PLPPR4: variants seen among roughly 807,000 people sequenced by gnomAD.
PLPPR4 encodes the protein phospholipid phosphatase-related protein type 4.
In PLPPR4, 24 loss-of-function variants were observed where a neutral mutation model predicts 56.6. The observed-to-expected ratio is 0.42, with a 90% CI of 0.31 to 0.60. PLPPR4 has a LOEUF of 0.60. Among genes scored for constraint, PLPPR4 ranks in the 20% least tolerant of loss-of-function variants. The pLI is 0.13. For synonymous variants in PLPPR4, 326 were observed against 328.1 expected (o/e 0.99, Z 0.07); for missense variants, 654 against 885.8 (o/e 0.74, Z 3.32).
At chr1:99,282,793 T>C (rs1659364224) in intron 1 of PLPPR4, among the ~76,000 whole-genome samples, 1 of 151,870 alleles carries the variant, frequency 6.6e-6, no homozygotes, top group Admixed American at 6.6e-5. Context: ...ATATGGCTAG[T>C]TCTTTCTTGC....
chr1:99,276,320 G>T (rs955168688), intron 1 of PLPPR4, among the ~76,000 whole-genome samples: 5 of 151,966 alleles, frequency 3.3e-5, no homozygotes, highest in Admixed American at 1.3e-4. Context: ...ATAATTAATA[G>T]GTCAAATAAA....
chr1:99,280,678 T>C (rs1354836340), intron 1 of PLPPR4, among the ~76,000 whole-genome samples: 1 of 152,076 alleles, frequency 6.6e-6, no homozygotes, highest in Admixed American at 6.6e-5. Flanking sequence ...CTGGAGAAGG[T>C]TTCAGGGAGA....
chr1:99,282,673 T>G (rs1196795780), intron 1 of PLPPR4, among the ~76,000 whole-genome samples: 7 of 152,084 alleles, frequency 4.6e-5, no homozygotes, highest in Non-Finnish European at 1.0e-4. Context: ...AATAAAATTC[T>G]AACTTCCTCC....
chr1:99,279,369 C>T (rs1343695164), intron 1 of PLPPR4, among the ~76,000 whole-genome samples: 1 of 152,136 alleles, frequency 6.6e-6, no homozygotes, highest in Non-Finnish European at 1.5e-5. Context: ...AGAAATCATT[C>T]ACTAGGGAAG....
rs187844695 is a variant in PLPPR4, at chr1:99,283,809, G to A, written c.79-4156G>A. Among the ~76,000 whole-genome samples, 5 of 152,180 alleles carry A rather than the reference G, an allele frequency of 3.3e-5. No homozygotes were observed. In the East Asian group the frequency reaches 7.7e-4, roughly 24 times the overall value. On this transcript the variant is annotated intron_variant, in intron 1 of 6. Transcript: ENST00000370185. ...TACTAAAAATACAAAAAAATTAGCC[G>A]GGTGTGGTGGCACGCTCCTGTAGTC...
At chr1:99,268,897 A>G (rs1286940758) in intron 1 of PLPPR4, among the ~76,000 whole-genome samples, 4 of 152,220 alleles carry the variant, frequency 2.6e-5, no homozygotes, top group Non-Finnish European at 4.4e-5. Flanking sequence ...AGCCAGCAGT[A>G]TACCTAGAGT....
intron 1 of PLPPR4, among the ~76,000 whole-genome samples, chr1:99,282,129 A>C (rs1659344519): frequency 6.6e-6 from 1 of 152,156 alleles, no homozygotes; most frequent in East Asian, 1.9e-4. Context: ...TAACAGTTTT[A>C]ATATTTTCAA....
chr1:99,272,848 T>C (rs1275610858), intron 1 of PLPPR4, among the ~76,000 whole-genome samples: 2 of 152,100 alleles, frequency 1.3e-5, no homozygotes, highest in Non-Finnish European at 2.9e-5. Context: ...ATCCTCTAAA[T>C]GCAACTGAGA....
At chr1:99,284,839 G>A (rs1570913775) in intron 1 of PLPPR4, among the ~76,000 whole-genome samples, 1 of 152,096 alleles carries the variant, frequency 6.6e-6, no homozygotes, top group Non-Finnish European at 1.5e-5. Flanking sequence ...TCACTATAAC[G>A]TGTATCAGTG....
intron 1 of PLPPR4, among the ~76,000 whole-genome samples, chr1:99,275,270 T>C (rs1209943160): frequency 2.0e-5 from 3 of 152,162 alleles, no homozygotes; most frequent in African/African-American, 4.8e-5. Flanking sequence ...CTTTAAGACC[T>C]CATTTGGTTT....
chr1:99,275,713 A>G (rs1570908482), intron 1 of PLPPR4, among the ~76,000 whole-genome samples: 1 of 152,164 alleles, frequency 6.6e-6, no homozygotes, highest in African/African-American at 2.4e-5. Flanking sequence ...GCTCAAATGT[A>G]TGTTCCAACA....
chr1:99,302,219 G>T (rs1470529105), intron 6 of PLPPR4, among the ~76,000 whole-genome samples: 1 of 152,042 alleles, frequency 6.6e-6, no homozygotes, highest in African/African-American at 2.4e-5. Flanking sequence ...CCAAAAGTAA[G>T]GTTAGTGAAA....
At chr1:99,283,257 G>A (rs1659375687) in intron 1 of PLPPR4, among the ~76,000 whole-genome samples, 1 of 152,072 alleles carries the variant, frequency 6.6e-6, no homozygotes, top group African/African-American at 2.4e-5. Flanking sequence ...ATGGCTATGA[G>A]AGAGGCAAAG....
chr1:99,268,066 A>G (rs1658950258), intron 1 of PLPPR4, among the ~76,000 whole-genome samples: 1 of 152,214 alleles, frequency 6.6e-6, no homozygotes, highest in South Asian at 2.1e-4. Context: ...TATTAACTCA[A>G]AGGTCACGCT....
chr1:99,281,159 A>C (rs2100792577), intron 1 of PLPPR4, among the ~76,000 whole-genome samples: 1 of 152,194 alleles, frequency 6.6e-6, no homozygotes, highest in South Asian at 2.1e-4. Flanking sequence ...ATGTAAAAAA[A>C]CCCCTCATTT....
Position 99,309,467 on chromosome 1 carries a change from CAAACTGAT to C in PLPPR4, c.*2461_*2468del, listed in dbSNP as rs953959030. ...TAAAAAAATGTTATGCAATGTTTTC[CAAACTGAT>C]AAAGTTTGTAAAGTGCTATAAATGT... On this transcript the variant is annotated 3_prime_UTR_variant, in exon 7 of 7. Coordinates refer to ENST00000370185, the MANE Select transcript of PLPPR4 (RefSeq NM_014839.5). The C allele has an allele frequency of 1.7e-4, 26 of 152,236 alleles. No homozygotes were observed. Among genetic ancestry groups the C allele is most frequent in the African/African-American group, 6.0e-4 (25 of 41,424 alleles). 9.4% of individuals were successfully genotyped at this position (152,236 alleles called of 1,614,324 possible).
intron 1 of PLPPR4, among the ~76,000 whole-genome samples, chr1:99,266,087 G>A (rs553293366): frequency 1.3e-5 from 2 of 152,314 alleles, no homozygotes; most frequent in South Asian, 4.1e-4. Context: ...ATAATAAAGA[G>A]CTTTCTCAAG....
At chr1:99,301,920 A>C in intron 6 of PLPPR4, 23 bp downstream of exon 6, 1 of 1,534,874 alleles carries the variant, frequency 6.5e-7, no homozygotes, top group Non-Finnish European at 8.9e-7. Context: ...CTATTATCTT[A>C]TAAGCCAAAG....
At chr1:99,294,144 G>A (rs751343011) in intron 2 of PLPPR4, among the ~76,000 whole-genome samples, 1 of 151,864 alleles carries the variant, frequency 6.6e-6, no homozygotes, top group Non-Finnish European at 1.5e-5. Context: ...AAACGCACTG[G>A]GAAACATCTC....
Sources: gnomAD v4.1 joint callset for allele counts (sites outside exome capture counted in the v4.1 genomes callset) on GRCh38, gnomAD v4.1.1 for gene constraint, MANE v1.5 for transcripts, NCBI Gene and HGNC (gene_info 2026-07-23, HGNC 2026-07-21) for gene names.